ABCB9: variants seen among roughly 807,000 people sequenced by gnomAD.
ABCB9 encodes the protein ABC-type oligopeptide transporter ABCB9.
A neutral mutation model predicts 62.0 loss-of-function variants in ABCB9; 36 were observed. That is an observed-to-expected ratio of 0.58 (90% CI 0.45 to 0.77). ABCB9 has a LOEUF of 0.77. Ranked by LOEUF, ABCB9 falls within the 30% of genes least tolerant of loss-of-function variation. The pLI is 0.00. For missense variants in ABCB9, 943 were observed against 1,054.7 expected, an observed-to-expected ratio of 0.89 and a Z score of 1.47; for synonymous variants, 435 against 461.4, an observed-to-expected ratio of 0.94 and a Z score of 0.73.
At position 122,932,698 on chromosome 12, in the gene ABCB9, G is replaced by A. The variant is rs971591132; in HGVS notation, c.1904-370C>T. 6.6e-6 allele frequency among the ~76,000 whole-genome samples: 1 copy of A among 152,176 alleles called. No homozygotes were observed. The highest frequency in any genetic ancestry group is 1.5e-5 in the Non-Finnish European group (1 of 68,018). On this transcript the variant is annotated intron_variant, in intron 10 of 11. Transcript: ENST00000280560. The surrounding 1 kb of genome is among the most constrained non-coding windows in gnomAD (Gnocchi z 4.7). ...CCCTGGGTCTATGAGTCTGTGCAGT[G>A]CAAAGGTTGTGTGTATTCACCACAG...
At chr12:122,957,831 T>A (rs2036681594) in intron 2 of ABCB9, among the ~76,000 whole-genome samples, 1 of 151,406 alleles carries the variant, frequency 6.6e-6, no homozygotes, top group African/African-American at 2.4e-5. Context: ...AGGAATTTAT[T>A]CTACAGATCC....
Position 122,930,862 on chromosome 12 carries a change from C to G in ABCB9, c.2041-691G>C, listed in dbSNP as rs1433340770. 6.6e-6 allele frequency among the ~76,000 whole-genome samples: 1 copy of G among 152,064 alleles called. No homozygotes were observed. ...TCTCTGTGTAACAAATGAATCAATC[C>G]GCGCATAGACTGAGGTTGCTAGCCA... On this transcript the variant is annotated intron_variant, in intron 11 of 11. Transcript: ENST00000280560. The surrounding 1 kb of genome is among the most constrained non-coding windows in gnomAD (Gnocchi z 4.9).
Position 122,959,527 on chromosome 12 carries a change from T to C in ABCB9, c.601+108A>G. The C allele has an allele frequency of 4.0e-6, 6 of 1,487,424 alleles. No homozygotes were observed. Among genetic ancestry groups the C allele is most frequent in the Non-Finnish European group, 5.4e-6 (6 of 1,114,426 alleles). 92.1% of individuals were successfully genotyped at this position (1,487,424 alleles called of 1,614,324 possible). Reference sequence around the variant, plus strand: ...TGCCTGGCCTCTTTTCCTTTTCATATCAATTTGATGTCTGAACCACGTAAG... The same window carrying C: ...TGCCTGGCCTCTTTTCCTTTTCATACCAATTTGATGTCTGAACCACGTAAG... On this transcript the variant is annotated intron_variant, in intron 2 of 11. Transcript: ENST00000280560. The surrounding 1 kb of genome is among the most constrained non-coding windows in gnomAD (Gnocchi z 5.4).
intron 11 of ABCB9, among the ~76,000 whole-genome samples, chr12:122,921,941 A>G (rs1407410615): frequency 6.6e-6 from 1 of 152,136 alleles, no homozygotes; most frequent in Non-Finnish European, 1.5e-5. Flanking sequence ...TGGGTTCCAG[A>G]GTTTCTTCTC....
downstream of ABCB9, chr12:122,924,911 G>C (rs2034849677): frequency 7.9e-7 from 1 of 1,258,916 alleles, no homozygotes; most frequent in Non-Finnish European, 1.1e-6. Context: ...CCAGGATGGT[G>C]ACAATTTTAT....
Position 122,930,545 on chromosome 12 carries a change from G to C in ABCB9, c.2041-374C>G, listed in dbSNP as rs762267115. ...GCCTCAGCTTCCCAAGTAGCTAGGG[G>C]ATTACAGGTGCCCGCCACCATACCC... On this transcript the variant is annotated intron_variant, in intron 11 of 11. Transcript: ENST00000280560. The surrounding 1 kb of genome is among the most constrained non-coding windows in gnomAD (Gnocchi z 4.9). Among the ~76,000 whole-genome samples, 1 of 151,776 alleles carries C rather than the reference G, an allele frequency of 6.6e-6. No individual in the cohort carries two copies. Among genetic ancestry groups the C allele is most frequent in the African/African-American group, 2.4e-5 (1 of 41,278 alleles).
chr12:122,919,329 C>T (rs189022356), downstream of ABCB9, among the ~76,000 whole-genome samples: 9 of 152,116 alleles, frequency 5.9e-5, no homozygotes, highest in Admixed American at 3.9e-4. Flanking sequence ...TGCACTACCA[C>T]GCCTGGCTGA....
downstream of ABCB9, among the ~76,000 whole-genome samples, chr12:122,925,216 C>T (rs187646415): frequency 4.6e-5 from 7 of 152,216 alleles, no homozygotes; most frequent in East Asian, 3.9e-4. Context: ...CCACTGTTCC[C>T]GGCCCTGGAT....
intron 7 of ABCB9, among the ~76,000 whole-genome samples, chr12:122,941,925 C>T (rs1377835529): frequency 6.6e-6 from 1 of 151,730 alleles, no homozygotes; most frequent in Non-Finnish European, 1.5e-5. Flanking sequence ...AATGGGGTTG[C>T]ACCATGTTGC....
chr12:122,933,262 T>C (rs1232020274), intron 10 of ABCB9, among the ~76,000 whole-genome samples: 1 of 152,096 alleles, frequency 6.6e-6, no homozygotes, highest in Non-Finnish European at 1.5e-5. Context: ...AACATAACCA[T>C]TGTAAAGTGA....
At chr12:122,969,185 C>G (rs11061080), upstream of ABCB9, among the ~76,000 whole-genome samples, 116,687 of 143,572 alleles carry the variant, frequency 0.81, 48,698 homozygotes, top group East Asian at 0.9. Flanking sequence ...CCCCCCCCCC[C>G]CCCCCGGCTG....
intron 1 of ABCB9, among the ~76,000 whole-genome samples, chr12:122,962,425 G>T (rs1555278620): frequency 6.6e-6 from 1 of 152,208 alleles, no homozygotes; most frequent in Non-Finnish European, 1.5e-5. Flanking sequence ...GGCTGGGAAG[G>T]GGCCATCCTG....
downstream of ABCB9, among the ~76,000 whole-genome samples, chr12:122,918,669 GC>G (rs2034680720): frequency 6.6e-6 from 1 of 151,902 alleles, no homozygotes; most frequent in Non-Finnish European, 1.5e-5. Context: ...TGTTGCCCAG[GC>G]TGGTCTCGAA....
In ABCB9 at chr12:122,932,343, CACAG is replaced by C. The variant is rs1322094616; in HGVS notation, c.1904-19_1904-16del. On this transcript the variant is annotated splice_polypyrimidine_tract_variant and intron_variant, in intron 10 of 11. Coordinates refer to ENST00000280560, the MANE Select transcript of ABCB9 (RefSeq NM_019625.4). The surrounding 1 kb of genome is among the most constrained non-coding windows in gnomAD (Gnocchi z 4.7). ...CTCCCCTGTCTCTGTATGGTGGAGG[CACAG>C]AGACAATTTAGCAATGGGTGAGGCC... is the stretch of plus-strand genomic sequence containing the variant. The C allele has an allele frequency of 6.5e-7, 1 of 1,543,850 alleles. No homozygotes were observed. The highest frequency in any genetic ancestry group is 2.0e-5 in the Admixed American group (1 of 50,814).
In ABCB9 at chr12:122,944,459, C is replaced by T. The variant is rs1198802029; in HGVS notation, c.1312G>A (p.Gly438Ser). The T allele has an allele frequency of 1.2e-6, 2 of 1,614,088 alleles. No individual in the cohort carries two copies. Among genetic ancestry groups the T allele is most frequent in the East Asian group, 4.5e-5 (2 of 44,870 alleles). Residue 438 changes from glycine to serine, a missense_variant, in exon 7 of 12, where the codon GGC becomes AGC. Transcript: ENST00000280560. The surrounding 1 kb of genome is among the most constrained non-coding windows in gnomAD (Gnocchi z 4.9). ...LYYGGHLVIS[G>S]QMTSGNLIAF... ...ATGAGGTTGCCGCTGGTCATCTGGC[C>T]TGAGATGACAAGGTGGCCCCCGTAG...
rs1485824942 is a variant in ABCB9, at chr12:122,964,151, C to T, written c.-88+2136G>A. ...GTCCCTCAGTCCCCAGAAAGGGGCT[C>T]GGGCTCAGAAGTGGAACAGGAGGCA... On this transcript the variant is annotated intron_variant, in intron 1 of 11. Transcript: ENST00000280560. This position sits in a 1 kb window ranked among gnomAD's most constrained non-coding sequence, Gnocchi z 4.7. 6.6e-6 allele frequency among the ~76,000 whole-genome samples: 1 copy of T among 152,080 alleles called. No homozygotes were observed. Among genetic ancestry groups the T allele is most frequent in the East Asian group, 1.9e-4 (1 of 5,176 alleles).
At chr12:122,927,721 G>T (rs538025176), downstream of ABCB9, among the ~76,000 whole-genome samples, 2 of 152,206 alleles carry the variant, frequency 1.3e-5, no homozygotes, top group Non-Finnish European at 2.9e-5. Context: ...GAAGCCCCTT[G>T]CGAGGGACTT....
chr12:122,972,263 T>G (rs1487617528), intron 1 of ABCB9, among the ~76,000 whole-genome samples: 1 of 152,168 alleles, frequency 6.6e-6, no homozygotes, highest in South Asian at 2.1e-4. Context: ...TCCACCCGCC[T>G]TGGCCTCCCA....
At chr12:122,921,389 T>G (rs191296593) in intron 11 of ABCB9, among the ~76,000 whole-genome samples, 1 of 152,318 alleles carries the variant, frequency 6.6e-6, no homozygotes, top group East Asian at 1.9e-4. Flanking sequence ...CACTCCAGGC[T>G]AGGCAACAGA....
Sources: allele counts gnomAD v4.1 joint callset (sites outside exome capture counted in the v4.1 genomes callset), GRCh38; gene constraint gnomAD v4.1.1; non-coding constraint Gnocchi (gnomAD v3.1); transcripts MANE v1.5; gene names NCBI Gene and HGNC (gene_info 2026-07-23, HGNC 2026-07-21).